The following KIAA1217 variants were observed in gnomAD, a reference collection of about 807,000 sequenced individuals.
KIAA1217 encodes the protein sickle tail protein homolog.
In KIAA1217, 88 loss-of-function variants were observed where a neutral mutation model predicts 163.9. The observed-to-expected ratio is 0.54, with a 90% CI of 0.45 to 0.64. The LOEUF (loss-of-function observed/expected upper bound fraction) is 0.64. Among genes scored for constraint, KIAA1217 ranks in the 30% least tolerant of loss-of-function variants. The pLI is 0.00. For missense variants in KIAA1217, 2,372 were observed against 2,475.0 expected (o/e 0.96, Z 0.88); for synonymous variants, 903 against 923.1 (o/e 0.98, Z 0.39).
intron 1 of KIAA1217, among the ~76,000 whole-genome samples, chr10:23,958,552 T>A (rs1490013349): frequency 6.6e-6 from 1 of 152,172 alleles, no homozygotes; most frequent in African/African-American, 2.4e-5. Context: ...TATATTGAAA[T>A]CAAATGCACA....
At chr10:23,796,979 A>G (rs1393711692) in intron 1 of KIAA1217, among the ~76,000 whole-genome samples, 1 of 152,032 alleles carries the variant, frequency 6.6e-6, no homozygotes, top group South Asian at 2.1e-4. Flanking sequence ...CAGCCAACCC[A>G]AGTAGCTGTG....
chr10:23,861,396 A>G (rs559601613), intron 1 of KIAA1217, among the ~76,000 whole-genome samples: 70 of 152,328 alleles, frequency 4.6e-4, no homozygotes, highest in Middle Eastern at 3.4e-3. Flanking sequence ...GATAGGCAGA[A>G]TGAACTCCAA....
intron 3 of KIAA1217, among the ~76,000 whole-genome samples, chr10:24,421,976 T>C (rs2058766919): frequency 6.6e-6 from 1 of 152,182 alleles, no homozygotes; most frequent in South Asian, 2.1e-4. Flanking sequence ...GGGTAATTGA[T>C]CAAGAAAAGA....
intron 2 of KIAA1217, among the ~76,000 whole-genome samples, chr10:24,227,705 T>C (rs1465531526): frequency 6.6e-6 from 1 of 151,968 alleles, no homozygotes; most frequent in Admixed American, 6.6e-5. Flanking sequence ...GCTAATTTTT[T>C]GTATTTTTAG....
At chr10:24,087,409 C>T (rs2131672948) in intron 2 of KIAA1217, among the ~76,000 whole-genome samples, 1 of 152,228 alleles carries the variant, frequency 6.6e-6, no homozygotes, top group South Asian at 2.1e-4. Flanking sequence ...CATTGGTTTA[C>T]TAAGAAATTA....
At chr10:24,401,968 G>C (rs1421310069) in intron 3 of KIAA1217, among the ~76,000 whole-genome samples, 1 of 152,160 alleles carries the variant, frequency 6.6e-6, no homozygotes, top group Non-Finnish European at 1.5e-5. Flanking sequence ...CAGAGAACAT[G>C]AAATACTTAG....
At chr10:24,248,586 G>A (rs1048463794) in intron 2 of KIAA1217, among the ~76,000 whole-genome samples, 5 of 143,364 alleles carry the variant, frequency 3.5e-5, no homozygotes, top group South Asian at 2.2e-4. Context: ...CAGGAGAATC[G>A]CTTGAACTTG....
intron 5 of KIAA1217, chr10:24,449,705 G>A (rs2061242841): frequency 3.0e-6 from 3 of 985,396 alleles, no homozygotes; most frequent in Non-Finnish European, 3.6e-6. Context: ...GGGTGGTTTC[G>A]AGGTCTCTGC....
At chr10:23,730,033 G>A (rs1838388648) in intron 1 of KIAA1217, among the ~76,000 whole-genome samples, 1 of 151,862 alleles carries the variant, frequency 6.6e-6, no homozygotes, top group African/African-American at 2.4e-5. Context: ...TCCCAAGTAG[G>A]TGGGACAACA....
chr10:24,158,207 C>T, intron 2 of KIAA1217: 1 of 736,820 alleles, frequency 1.4e-6, no homozygotes, highest in African/African-American at 1.7e-5. Flanking sequence ...ACTGGAGTTA[C>T]ATCTACTCCT....
chr10:23,971,804 T>C (rs755464867), intron 1 of KIAA1217, among the ~76,000 whole-genome samples: 5 of 152,194 alleles, frequency 3.3e-5, no homozygotes, highest in Non-Finnish European at 7.3e-5. Flanking sequence ...TTGGCACCTT[T>C]TTAAGTCTGA....
intron 1 of KIAA1217, among the ~76,000 whole-genome samples, chr10:23,813,893 G>A (rs1019068802): frequency 3.9e-5 from 6 of 152,144 alleles, no homozygotes; most frequent in African/African-American, 1.4e-4. Context: ...TAATCAAGTA[G>A]TAACTGTGTG....
intron 1 of KIAA1217, among the ~76,000 whole-genome samples, chr10:23,745,327 A>G (rs1031992438): frequency 2.0e-5 from 3 of 152,244 alleles, no homozygotes; most frequent in Admixed American, 6.5e-5. Flanking sequence ...AGCACATTAT[A>G]TGACACTCTA....
chr10:24,246,520 G>A (rs2073823811), intron 2 of KIAA1217, among the ~76,000 whole-genome samples: 1 of 152,186 alleles, frequency 6.6e-6, no homozygotes, highest in Admixed American at 6.5e-5. Flanking sequence ...TACGTTCAGA[G>A]AATACAGTTC....
intron 2 of KIAA1217, among the ~76,000 whole-genome samples, chr10:24,359,990 A>G (rs986412849): frequency 2.0e-5 from 3 of 147,624 alleles, no homozygotes; most frequent in Admixed American, 6.8e-5. Flanking sequence ...ATCAGAAATT[A>G]CTTTGCTCCC....
At position 23,931,459 on chromosome 10, in the gene KIAA1217, A is replaced by G. The variant is rs553872142; in HGVS notation, c.-320-75766A>G. ...CTGTGTCAAGGCCATCCCATCTAAC[A>G]TTTACCTACACCCTGTCTTGCACTG... On this transcript the variant is annotated intron_variant, in intron 1 of 18. Transcript: ENST00000376462. Among the ~76,000 whole-genome samples the G allele has an allele frequency of 7.2e-5, 11 of 152,122 alleles. No homozygotes were observed. In the South Asian group the frequency reaches 2.3e-3, roughly 32 times the overall value.
At chr10:24,243,885 G>A (rs960014259) in intron 2 of KIAA1217, among the ~76,000 whole-genome samples, 3 of 151,986 alleles carry the variant, frequency 2.0e-5, no homozygotes, top group Non-Finnish European at 4.4e-5. Flanking sequence ...CTTAATTGTC[G>A]TAGCGTTCAG....
chr10:24,247,459 A>C (rs1459503522), intron 2 of KIAA1217, among the ~76,000 whole-genome samples: 3 of 152,112 alleles, frequency 2.0e-5, no homozygotes, highest in Non-Finnish European at 2.9e-5. Flanking sequence ...GGTGGATCCT[A>C]TTTGTATAAA....
chr10:23,858,816 C>T (rs1023292807), intron 1 of KIAA1217, among the ~76,000 whole-genome samples: 1 of 152,118 alleles, frequency 6.6e-6, no homozygotes, highest in African/African-American at 2.4e-5. Flanking sequence ...GTAGGTGTCA[C>T]CTGCCAAGAC....
Sources: allele counts gnomAD v4.1 joint callset (sites outside exome capture counted in the v4.1 genomes callset), GRCh38; gene constraint gnomAD v4.1.1; transcripts MANE v1.5; gene names NCBI Gene and HGNC (gene_info 2026-07-23, HGNC 2026-07-21).